Variants in MARCHF1 observed in about 807,000 individuals in gnomAD.
The protein encoded by MARCHF1 is E3 ubiquitin-protein ligase MARCHF1.
Under a neutral mutation model 54.2 loss-of-function variants are expected in MARCHF1, and 40 were observed. That is an observed-to-expected ratio of 0.74 (90% CI 0.57 to 0.96). The LOEUF (loss-of-function observed/expected upper bound fraction) is 0.96, where lower values mean the gene tolerates loss of function less well. Ranked by LOEUF, MARCHF1 falls within the 40% of genes least tolerant of loss-of-function variation. The pLI, the probability that MARCHF1 is intolerant of heterozygous loss-of-function variation, is 0.00. For missense variants in MARCHF1, 586 were observed against 656.5 expected, an observed-to-expected ratio of 0.89 and a Z score of 1.17; for synonymous variants, 236 against 236.3, an observed-to-expected ratio of 1.00 and a Z score of 0.01.
chr4:163,642,477 T>A (rs1742589492), intron 5 of MARCHF1, among the ~76,000 whole-genome samples: 1 of 152,210 alleles, frequency 6.6e-6, no homozygotes, highest in African/African-American at 2.4e-5. Flanking sequence ...GTCACTTCGG[T>A]TCTGGGTGAA....
At chr4:163,532,986 T>C (rs1421313479) in intron 9 of MARCHF1, among the ~76,000 whole-genome samples, 1 of 151,958 alleles carries the variant, frequency 6.6e-6, no homozygotes, top group Non-Finnish European at 1.5e-5. Context: ...CCACAGCTTT[T>C]CAAATGATAC....
chr4:163,574,103 A>C (rs1579075495), intron 8 of MARCHF1, among the ~76,000 whole-genome samples: 1 of 152,020 alleles, frequency 6.6e-6, no homozygotes, highest in Non-Finnish European at 1.5e-5. Flanking sequence ...TGGCTGCATA[A>C]ATGTCTTCTT....
At chr4:164,254,113 AT>A (rs1041910763) in intron 1 of MARCHF1, among the ~76,000 whole-genome samples, 1 of 151,680 alleles carries the variant, frequency 6.6e-6, no homozygotes, top group Admixed American at 6.6e-5. Context: ...TTTGTTATGA[AT>A]TTTTTTTGAG....
chr4:164,058,492 T>C (rs6536786), intron 2 of MARCHF1, among the ~76,000 whole-genome samples: 105,143 of 152,088 alleles, frequency 0.69, 37,296 homozygotes, highest in Non-Finnish European at 0.78. Flanking sequence ...CGACCTCAGT[T>C]GCATGGCATT....
In MARCHF1 at chr4:164,052,342, G is replaced by C. The variant is rs530131349; in HGVS notation, c.-248+59246C>G. Among the ~76,000 whole-genome samples, 8 of 152,104 alleles carry C rather than the reference G, an allele frequency of 5.3e-5. No homozygotes were observed. In the South Asian group the frequency reaches 6.2e-4, roughly 12 times the overall value. Reference sequence around the variant, plus strand: ...AGGTCAGGAGTTCGAGACCAGCCTGGCCAACATGGTAAAGCCACATCTTTA... The same window carrying C: ...AGGTCAGGAGTTCGAGACCAGCCTGCCCAACATGGTAAAGCCACATCTTTA... On this transcript the variant is annotated intron_variant, in intron 2 of 9. Coordinates refer to ENST00000514618, the MANE Select transcript of MARCHF1 (RefSeq NM_001394959.1).
At chr4:164,099,485 A>T (rs1314417485) in intron 2 of MARCHF1, among the ~76,000 whole-genome samples, 1 of 152,144 alleles carries the variant, frequency 6.6e-6, no homozygotes, top group South Asian at 2.1e-4. Flanking sequence ...GATAAGCTCT[A>T]TTTCCTAGAA....
At chr4:163,615,550 A>G (rs1167685916) in intron 5 of MARCHF1, among the ~76,000 whole-genome samples, 2 of 150,980 alleles carry the variant, frequency 1.3e-5, no homozygotes, top group African/African-American at 2.4e-5. Context: ...AATGGAAAGT[A>G]CAAAACAGTA....
intron 4 of MARCHF1, among the ~76,000 whole-genome samples, chr4:163,777,013 G>T (rs111764608): frequency 2.6e-5 from 4 of 152,180 alleles, no homozygotes; most frequent in African/African-American, 9.6e-5. Context: ...CTTTTGCAAA[G>T]AAAATAATTT....
At chr4:163,669,972 G>T (rs192152171) in intron 5 of MARCHF1, among the ~76,000 whole-genome samples, 3 of 152,172 alleles carry the variant, frequency 2.0e-5, no homozygotes, top group African/African-American at 7.2e-5. Context: ...AGCCTACAAA[G>T]AGATTATTTT....
chr4:164,362,439 G>T (rs548890165), intron 1 of MARCHF1, among the ~76,000 whole-genome samples: 6 of 152,196 alleles, frequency 3.9e-5, no homozygotes, highest in African/African-American at 1.2e-4. Flanking sequence ...GATTATGTGG[G>T]TGAAGATCAG....
intron 2 of MARCHF1, among the ~76,000 whole-genome samples, chr4:163,998,187 A>AAGATT (rs1753116380): frequency 6.6e-6 from 1 of 151,330 alleles, no homozygotes; most frequent in Non-Finnish European, 1.5e-5. Context: ...AATAAATCAG[A>AAGATT]AGACTTATTA....
intron 5 of MARCHF1, among the ~76,000 whole-genome samples, chr4:163,673,332 T>C (rs1743798996): frequency 6.6e-6 from 1 of 152,230 alleles, no homozygotes; most frequent in Non-Finnish European, 1.5e-5. Context: ...TGACGAGGAT[T>C]TTAATGCAGA....
At chr4:164,054,306 A>G (rs1176002681) in intron 2 of MARCHF1, among the ~76,000 whole-genome samples, 2 of 152,030 alleles carry the variant, frequency 1.3e-5, no homozygotes, top group African/African-American at 4.8e-5. Flanking sequence ...GAGAAATAGG[A>G]ACACTTTGAC....
chr4:164,074,793 A>G (rs980839840), intron 2 of MARCHF1, among the ~76,000 whole-genome samples: 19 of 151,894 alleles, frequency 1.3e-4, no homozygotes, highest in African/African-American at 4.1e-4. Flanking sequence ...TTGGTTAGGT[A>G]AAATTGAGGT....
chr4:163,821,793 GT>G (rs35402027), intron 4 of MARCHF1, among the ~76,000 whole-genome samples: 128,548 of 143,948 alleles, frequency 0.89, 57,492 homozygotes, highest in South Asian at 0.96. Flanking sequence ...GGAAAAGAGG[GT>G]TTTTTTTTTT....
chr4:163,816,666 C>G (rs1443934953), intron 4 of MARCHF1, among the ~76,000 whole-genome samples: 7 of 151,972 alleles, frequency 4.6e-5, no homozygotes, highest in Admixed American at 2.6e-4. Flanking sequence ...ATAAGTGGTG[C>G]TATTATCTCT....
intron 7 of MARCHF1, among the ~76,000 whole-genome samples, chr4:163,607,692 G>T (rs950694421): frequency 2.6e-5 from 4 of 152,094 alleles, no homozygotes; most frequent in Non-Finnish European, 5.9e-5. Context: ...ACATTCTTTA[G>T]ATTCTTTTCT....
At chr4:163,757,520 C>T (rs11733003) in intron 4 of MARCHF1, among the ~76,000 whole-genome samples, 2,471 of 152,088 alleles carry the variant, frequency 0.016, 35 homozygotes, top group South Asian at 0.03. Context: ...CTAAGGATGC[C>T]TGTTTAGGGA....
chr4:163,586,192 C>A (rs530262738), intron 7 of MARCHF1, among the ~76,000 whole-genome samples: 2 of 152,176 alleles, frequency 1.3e-5, no homozygotes, highest in East Asian at 3.9e-4. Context: ...GTAGAAAATT[C>A]CATTTAGTCA....
Sources: gnomAD v4.1 joint callset for allele counts (sites outside exome capture counted in the v4.1 genomes callset) on GRCh38, gnomAD v4.1.1 for gene constraint, MANE v1.5 for transcripts, NCBI Gene and HGNC (gene_info 2026-07-23, HGNC 2026-07-21) for gene names.